The following ZNF233 variants were observed in gnomAD, a reference collection of about 807,000 sequenced individuals.
ZNF233 encodes zinc finger protein 233.
Under a neutral mutation model 11.6 loss-of-function variants are expected in ZNF233, and 7 were observed. The observed-to-expected ratio is 0.60, with a 90% CI of 0.34 to 1.13. ZNF233 has a LOEUF of 1.13. Among genes scored for constraint, ZNF233 ranks in the 50% most tolerant of loss-of-function variants. The pLI is 0.03. For synonymous variants in ZNF233, 226 were observed against 268.5 expected (o/e 0.84, Z 1.55); for missense variants, 711 against 785.5 (o/e 0.91, Z 1.13).
At position 44,267,324 on chromosome 19, in the gene ZNF233, G is replaced by C. The variant is rs1054153253; in HGVS notation, c.238+363G>C. The C allele has an allele frequency of 1.5e-5, 6 of 396,992 alleles. No homozygotes were observed. In the East Asian group the frequency reaches 2.1e-4, roughly 14 times the overall value. 24.6% of individuals were successfully genotyped at this position (396,992 alleles called of 1,614,324 possible). A position where few individuals can be genotyped will look rare whatever the true frequency, so the allele number is the denominator to read the frequency against. ...TTCTTTCCAGCCACACAAGACTGCT[G>C]TGTGTTTCTTATACATGCCAAGGGT... On this transcript the variant is annotated intron_variant, in intron 4 of 4. Coordinates refer to ENST00000683810, the MANE Select transcript of ZNF233 (RefSeq NM_001207005.2).
chr19:44,260,351 C>T (rs191072831), intron 1 of ZNF233: 10 of 154,008 alleles, frequency 6.5e-5, no homozygotes, highest in African/African-American at 2.2e-4. Flanking sequence ...GAAAAGGTGG[C>T]TGGTTGTTGC....
chr19:44,264,606 T>C (rs1041748563), intron 2 of ZNF233, among the ~76,000 whole-genome samples: 1 of 152,196 alleles, frequency 6.6e-6, no homozygotes, highest in Non-Finnish European at 1.5e-5. Flanking sequence ...AATTCGTAGA[T>C]ATCAAAAAAT....
At chr19:44,266,507 G>C (rs1975088490) in intron 3 of ZNF233, among the ~76,000 whole-genome samples, 183 bp downstream of exon 3, 1 of 152,138 alleles carries the variant, frequency 6.6e-6, no homozygotes, top group South Asian at 2.1e-4. Flanking sequence ...TGAAATCTTG[G>C]TGGGTTTTGA....
intron 4 of ZNF233, among the ~76,000 whole-genome samples, chr19:44,270,724 T>C (rs1363189864): frequency 6.6e-6 from 1 of 152,168 alleles, no homozygotes; most frequent in Non-Finnish European, 1.5e-5. Flanking sequence ...GTGGGCTCGT[T>C]CACATGGCTG....
chr19:44,261,267 C>T (rs1000449764), intron 1 of ZNF233, among the ~76,000 whole-genome samples: 1 of 151,752 alleles, frequency 6.6e-6, no homozygotes, highest in African/African-American at 2.4e-5. Flanking sequence ...TAGTGAGACT[C>T]CATCTCTACA....
chr19:44,270,030 A>G (rs1420826276), intron 4 of ZNF233, among the ~76,000 whole-genome samples: 2 of 152,188 alleles, frequency 1.3e-5, no homozygotes, highest in Non-Finnish European at 2.9e-5. Context: ...CTCACAGAGT[A>G]TGGTGCTAAG....
chr19:44,271,532 C>T (rs1233435), intron 4 of ZNF233, among the ~76,000 whole-genome samples: 41,325 of 149,574 alleles, frequency 0.28, 8,668 homozygotes, highest in African/African-American at 0.59. Context: ...TTTTTTGAGA[C>T]GGAGTCTCAC....
intron 1 of ZNF233, among the ~76,000 whole-genome samples, chr19:44,263,668 G>T (rs1375179514): frequency 6.6e-6 from 1 of 152,154 alleles, no homozygotes; most frequent in Non-Finnish European, 1.5e-5. Context: ...GGACAACAAA[G>T]TAGTAAGTAA....
At chr19:44,262,713 C>A (rs1343030233) in intron 1 of ZNF233, among the ~76,000 whole-genome samples, 2 of 152,148 alleles carry the variant, frequency 1.3e-5, no homozygotes, top group African/African-American at 4.8e-5. Context: ...TATATACTCA[C>A]TGAAACCTCT....
intron 4 of ZNF233, among the ~76,000 whole-genome samples, chr19:44,269,855 CTCTT>C (rs1305600983): frequency 6.6e-6 from 1 of 152,186 alleles, no homozygotes; most frequent in Admixed American, 6.5e-5. Context: ...ACCCTCACCT[CTCTT>C]TATTTTTTGG....
At chr19:44,264,409 G>C in intron 2 of ZNF233, 34 bp downstream of exon 2, 1 of 1,599,004 alleles carries the variant, frequency 6.3e-7, no homozygotes, top group African/African-American at 1.3e-5. Context: ...CTCTTAAAAT[G>C]ACATCTCTTT....
intron 1 of ZNF233, among the ~76,000 whole-genome samples, chr19:44,262,131 T>C (rs1974955371): frequency 6.6e-6 from 1 of 152,258 alleles, no homozygotes; most frequent in African/African-American, 2.4e-5. Context: ...CTTGTCTGAC[T>C]GTGTGTCATT....
intron 1 of ZNF233, among the ~76,000 whole-genome samples, chr19:44,260,902 A>T (rs1334711527): frequency 6.6e-6 from 1 of 152,242 alleles, no homozygotes; most frequent in Non-Finnish European, 1.5e-5. Context: ...GAGTAATAAT[A>T]AAATTTGTTA....
chr19:44,274,297 G>C lies in ZNF233; in HGVS notation c.1637G>C (p.Ser546Thr). The C allele has an allele frequency of 6.2e-7, 1 of 1,613,934 alleles. No homozygotes were observed. Among genetic ancestry groups the C allele is most frequent in the Non-Finnish European group, 8.5e-7 (1 of 1,179,932 alleles). ...YKCETCGKGFSQSSHLQDHQQ... is the reference protein window; with the variant it reads ...YKCETCGKGFTQSSHLQDHQQ... ...TGTGAGACATGTGGGAAGGGCTTTA[G>C]TCAGAGTTCGCATCTCCAAGACCAT... The change falls in exon 5 of 5, where the codon AGT becomes ACT. Residue 546 changes from serine to threonine, a missense_variant. Coordinates refer to ENST00000683810, the MANE Select transcript of ZNF233 (RefSeq NM_001207005.2).
In ZNF233 at chr19:44,264,222, G is replaced by A. The variant is rs191706008; in HGVS notation, c.-47-92G>A. 2.1e-4 allele frequency: 174 copies of A among 825,600 alleles called. No homozygotes were observed. In the African/African-American group the frequency reaches 2.7e-3, roughly 13 times the overall value. 51.1% of individuals were successfully genotyped at this position (825,600 alleles called of 1,614,324 possible). ...CCCAAAGTGCTGGGATTACAGGCAT[G>A]AGCCACCATGCCCGGCCACCTTTTA... On this transcript the variant is annotated intron_variant, in intron 1 of 4. Coordinates refer to ENST00000683810, the MANE Select transcript of ZNF233 (RefSeq NM_001207005.2).
rs1397050568 is a variant in ZNF233 at position 44,274,666 on chromosome 19, G to A, written c.2006G>A (p.Ser669Asn). 3 of 1,588,960 alleles carry A rather than the reference G, an allele frequency of 1.9e-6. No individual in the cohort carries two copies. Among genetic ancestry groups the A allele is most frequent in the Admixed American group, 1.7e-5 (1 of 57,608 alleles). Residue 669 changes from serine to asparagine, a missense_variant, in exon 5 of 5, where the codon AGT becomes AAT. Ser to Asn is a conservative substitution (Grantham distance 46). Transcript: ENST00000683810. ...KSSLSSDSSE[S>N]P ...TCGTTGTCTTCAGATTCATCAGAGA[G>A]TCCATGATGGTGATGAATCTATTAA...
chr19:44,263,209 C>T (rs570398871), intron 1 of ZNF233, among the ~76,000 whole-genome samples: 8 of 152,266 alleles, frequency 5.3e-5, no homozygotes, highest in South Asian at 2.1e-4. Flanking sequence ...GTGTGCAATT[C>T]GGTGGTATTT....
Position 44,274,313 on chromosome 19 carries a change from C to T in ZNF233, c.1653C>T (p.Leu551=). 6.2e-7 allele frequency: 1 copy of T among 1,612,028 alleles called. No individual in the cohort carries two copies. The highest frequency in any genetic ancestry group is 8.5e-7 in the Non-Finnish European group (1 of 1,179,638). ...AGGGCTTTAGTCAGAGTTCGCATCTCCAAGACCATCAGCAAGTCCATACTG... is the reference window on the plus strand; with the variant it reads ...AGGGCTTTAGTCAGAGTTCGCATCTTCAAGACCATCAGCAAGTCCATACTG... The part of the protein sequence containing the change: ...CGKGFSQSSH[L]QDHQQVHTGE... Residue 551 remains leucine, a synonymous_variant, in exon 5 of 5, where the codon CTC becomes CTT. Transcript: ENST00000683810.
At chr19:44,271,159 C>A (rs192427317) in intron 4 of ZNF233, among the ~76,000 whole-genome samples, 4 of 152,152 alleles carry the variant, frequency 2.6e-5, no homozygotes, top group African/African-American at 9.7e-5. Flanking sequence ...ATACTTAGAA[C>A]CTCATTGAAA....
Sources: allele counts gnomAD v4.1 joint callset (sites outside exome capture counted in the v4.1 genomes callset), GRCh38; gene constraint gnomAD v4.1.1; transcripts MANE v1.5; gene names NCBI Gene and HGNC (gene_info 2026-07-23, HGNC 2026-07-21).